Variants in PAPPA observed in about 807,000 individuals in gnomAD.
PAPPA encodes pappalysin-1.
PAPPA carries 60 observed loss-of-function variants against 164.0 expected under a neutral mutation model. That is an observed-to-expected ratio of 0.37 (90% confidence interval 0.30 to 0.45). The LOEUF (loss-of-function observed/expected upper bound fraction) is 0.45. Among genes scored for constraint, PAPPA ranks in the 20% least tolerant of loss-of-function variants. The pLI is 1.00. For synonymous variants in PAPPA, 875 were observed against 814.1 expected (o/e 1.07, Z -1.27); for missense variants, 1,782 against 2,087.3 (o/e 0.85, Z 2.85).
intron 6 of PAPPA, 72 bp from the exon 7 acceptor site, chr9:116,235,067 T>C: frequency 1.3e-6 from 2 of 1,556,774 alleles, no homozygotes; most frequent in East Asian, 4.5e-5. Context: ...TCTCCTGGGG[T>C]CCACAGGAAA....
chr9:116,259,115 A>G lies in PAPPA; in HGVS notation c.2733-6742A>G, dbSNP rs185045578. ...TCCACTGCACTCCAGCCTGGACAAC[A>G]ATAATGAAACTCCGTCTAAAAAATA... On this transcript the variant is annotated intron_variant, in intron 7 of 21. Transcript: ENST00000328252. 2.0e-4 allele frequency among the ~76,000 whole-genome samples: 30 copies of G among 152,220 alleles called. No homozygotes were observed. The East Asian group carries it at 5.0e-3, about 25-fold the overall frequency.
intron 5 of PAPPA, among the ~76,000 whole-genome samples, chr9:116,226,010 A>T (rs148213342): frequency 2.2e-5 from 1 of 46,160 alleles, no homozygotes; most frequent in South Asian, 1.0e-3. Flanking sequence ...CCTGCATGTC[A>T]AAAAAAGTTT....
chr9:116,398,745 G>C lies in PAPPA; in HGVS notation c.*2129G>C, dbSNP rs1391564123. ...TTGGCAAGGCTGCCACAGTTGTTAA[G>C]AATAATCCTCTATGTTTCTTCCTCA... On this transcript the variant is annotated 3_prime_UTR_variant, in exon 22 of 22. Transcript: ENST00000328252. 4 of 454,080 alleles carry C rather than the reference G, an allele frequency of 8.8e-6. No homozygotes were observed. The highest frequency in any genetic ancestry group is 1.8e-5 in the Non-Finnish European group (4 of 226,060). 28.1% of individuals were successfully genotyped at this position (454,080 alleles called of 1,614,324 possible). A position where few individuals can be genotyped will look rare whatever the true frequency, so the allele number is the denominator to read the frequency against.
chr9:116,154,308 A>G lies in PAPPA; in HGVS notation c.136A>G (p.Thr46Ala). ...RPPRPAAGPA[T>A]CATRAARGRR... is the part of the protein sequence containing the mutation. ...CCCGCGCCCCGCCGCCGGCCCGGCC[A>G]CCTGCGCCACCCGGGCGGCCCGCGG... is the stretch of plus-strand genomic sequence containing the variant. Residue 46 changes from threonine (T) to alanine (A), a missense_variant, in exon 1 of 22, where the codon ACC (threonine) becomes GCC (alanine). Around this residue, in one of 2 missense-constraint regions of PAPPA, gnomAD observed 458 missense variants for 430.3 expected, o/e 1.06. Transcript: ENST00000328252. The surrounding 1 kb of genome is among the most constrained non-coding windows in gnomAD (Gnocchi z 5.2). The G allele has an allele frequency of 1.1e-5, 10 of 902,324 alleles. 1 individual carries two copies. The highest frequency in any genetic ancestry group is 7.9e-6 in the Non-Finnish European group (6 of 758,146). The allele number at this position is 902,324 out of a possible 1,614,324, so 55.9% of individuals were successfully genotyped here.
intron 17 of PAPPA, among the ~76,000 whole-genome samples, chr9:116,356,929 C>T (rs1383194134): frequency 6.6e-6 from 1 of 152,188 alleles, no homozygotes; most frequent in East Asian, 1.9e-4. Flanking sequence ...CCTGCACGTT[C>T]TGCACATGTA....
chr9:116,208,094 AC>A (rs1554738089), intron 3 of PAPPA, among the ~76,000 whole-genome samples: 2 of 152,202 alleles, frequency 1.3e-5, no homozygotes, highest in South Asian at 2.1e-4. Flanking sequence ...TCCATGTTCC[AC>A]CCACCAACAC....
At chr9:116,331,928 TG>T (rs1300844946) in intron 11 of PAPPA, among the ~76,000 whole-genome samples, 5 of 152,216 alleles carry the variant, frequency 3.3e-5, no homozygotes, top group African/African-American at 9.7e-5. Flanking sequence ...CACCTTTTTT[TG>T]TGTGTGTGGG....
At chr9:116,383,444 A>C (rs1846759638) in intron 21 of PAPPA, among the ~76,000 whole-genome samples, 1 of 152,320 alleles carries the variant, frequency 6.6e-6, no homozygotes, top group African/African-American at 2.4e-5. Flanking sequence ...GCCCTCTATG[A>C]CTATCTTGGC....
intron 6 of PAPPA, 25 bp downstream of exon 6, chr9:116,227,577 T>A (rs757985500): frequency 6.2e-7 from 1 of 1,613,068 alleles, no homozygotes; most frequent in South Asian, 1.1e-5. Context: ...TGGAAGCTCA[T>A]TGACAGGAGG....
intron 7 of PAPPA, among the ~76,000 whole-genome samples, chr9:116,251,753 G>A (rs567297509): frequency 3.9e-5 from 6 of 152,280 alleles, no homozygotes; most frequent in East Asian, 1.9e-4. Context: ...GTCACACATC[G>A]CCTTTGGTTG....
intron 8 of PAPPA, among the ~76,000 whole-genome samples, 198 bp downstream of exon 8, chr9:116,266,183 G>A (rs374126713): frequency 2.6e-5 from 4 of 152,116 alleles, no homozygotes; most frequent in Non-Finnish European, 4.4e-5. Context: ...TTTTGAACAC[G>A]TACATTTTGC....
intron 18 of PAPPA, among the ~76,000 whole-genome samples, 161 bp downstream of exon 18, chr9:116,362,900 AG>A (rs1303984476): frequency 1.3e-5 from 2 of 152,188 alleles, no homozygotes; most frequent in Non-Finnish European, 2.9e-5. Context: ...TCCCAGAAAG[AG>A]GGTCAGGGAC....
chr9:116,338,046 C>T (rs1846084260), intron 13 of PAPPA, among the ~76,000 whole-genome samples: 4 of 152,160 alleles, frequency 2.6e-5, no homozygotes, highest in Admixed American at 2.0e-4. Context: ...AGAAAAACTA[C>T]AGTGGTGATA....
At chr9:116,155,966 T>C (rs1843596721) in intron 1 of PAPPA, among the ~76,000 whole-genome samples, 1 of 151,982 alleles carries the variant, frequency 6.6e-6, no homozygotes, top group Non-Finnish European at 1.5e-5. Context: ...TCGCAAGCCC[T>C]ATTTGCCCAG....
chr9:116,386,702 T>A (rs574000519), intron 21 of PAPPA, among the ~76,000 whole-genome samples: 2 of 152,312 alleles, frequency 1.3e-5, no homozygotes, highest in African/African-American at 4.8e-5. Context: ...CACCTTGGCA[T>A]GACCCTCCCT....
chr9:116,196,437 G>A (rs1250394260), intron 2 of PAPPA, among the ~76,000 whole-genome samples: 1 of 152,230 alleles, frequency 6.6e-6, no homozygotes, highest in Admixed American at 6.5e-5. Context: ...CACTTGGTCA[G>A]ATGCCCTTCC....
intron 10 of PAPPA, among the ~76,000 whole-genome samples, chr9:116,327,979 G>A (rs1278258313): frequency 2.0e-5 from 3 of 152,130 alleles, no homozygotes; most frequent in African/African-American, 7.2e-5. Flanking sequence ...AAACAAAATA[G>A]GAAAACAGAA....
intron 7 of PAPPA, among the ~76,000 whole-genome samples, chr9:116,242,448 G>A (rs1037224798): frequency 1.3e-5 from 2 of 152,214 alleles, no homozygotes; most frequent in Non-Finnish European, 1.5e-5. Context: ...ACAGCTTTGA[G>A]ATGGAAATTG....
At chr9:116,374,540 A>G (rs1303589718) in intron 19 of PAPPA, among the ~76,000 whole-genome samples, 1 of 152,238 alleles carries the variant, frequency 6.6e-6, no homozygotes, top group East Asian at 1.9e-4. Flanking sequence ...TGGAAAATCC[A>G]AAAGCCTTGG....
Sources: gnomAD v4.1 joint callset for allele counts (sites outside exome capture counted in the v4.1 genomes callset) on GRCh38, gnomAD v4.1.1 for gene constraint, gnomAD v4.1.1 regional missense constraint, Gnocchi (gnomAD v3.1) non-coding constraint, MANE v1.5 for transcripts, NCBI Gene and HGNC (gene_info 2026-07-23, HGNC 2026-07-21) for gene names.